Variants in CDK14 observed in about 807,000 individuals in gnomAD.
CDK14 encodes the protein cyclin-dependent kinase 14.
Under a neutral mutation model 60.7 loss-of-function variants are expected in CDK14, and 34 were observed. The observed-to-expected ratio is 0.56, with a 90% confidence interval of 0.43 to 0.75. The LOEUF (loss-of-function observed/expected upper bound fraction) is 0.75, where lower values mean the gene tolerates loss of function less well. Ranked by LOEUF, CDK14 falls within the 30% of genes least tolerant of loss-of-function variation. CDK14 has a pLI of 0.00. For synonymous variants in CDK14, 197 were observed against 203.7 expected, an observed-to-expected ratio of 0.97 and a Z score of 0.28; for missense variants, 482 against 564.1, an observed-to-expected ratio of 0.85 and a Z score of 1.47.
At chr7:91,047,999 G>C (rs919973685) in intron 11 of CDK14, among the ~76,000 whole-genome samples, 1 of 152,134 alleles carries the variant, frequency 6.6e-6, no homozygotes, top group Non-Finnish European at 1.5e-5. Flanking sequence ...CCAGCTCCTT[G>C]ATTTACCCCG....
intron 14 of CDK14, among the ~76,000 whole-genome samples, chr7:91,124,642 G>T (rs1429581530): frequency 6.6e-6 from 1 of 151,702 alleles, no homozygotes; most frequent in Non-Finnish European, 1.5e-5. Flanking sequence ...GCATTTCCAG[G>T]TCAAATGAGC....
At chr7:90,909,670 TAGAA>T (rs1162136081) in intron 7 of CDK14, among the ~76,000 whole-genome samples, 1 of 152,002 alleles carries the variant, frequency 6.6e-6, no homozygotes, top group Non-Finnish European at 1.5e-5. Flanking sequence ...TGCCTTGAAG[TAGAA>T]AGAGAGTGTG....
At chr7:90,759,686 C>T (rs1562756542) in intron 4 of CDK14, among the ~76,000 whole-genome samples, 1 of 152,198 alleles carries the variant, frequency 6.6e-6, no homozygotes, top group Non-Finnish European at 1.5e-5. Flanking sequence ...TTTGCTCTCC[C>T]TGGGGCAGGG....
intron 5 of CDK14, among the ~76,000 whole-genome samples, chr7:90,825,247 C>T (rs1789682871): frequency 1.3e-5 from 2 of 152,290 alleles, no homozygotes; most frequent in Non-Finnish European, 2.9e-5. Context: ...GGGCAGCCAT[C>T]TATGGGGCTG....
At chr7:90,688,358 C>T (rs1212363001) in intron 2 of CDK14, among the ~76,000 whole-genome samples, 1 of 152,136 alleles carries the variant, frequency 6.6e-6, no homozygotes, top group African/African-American at 2.4e-5. Context: ...AGGAAAAAGC[C>T]CGTCATCTTA....
intron 12 of CDK14, among the ~76,000 whole-genome samples, chr7:91,084,529 T>A (rs1005432092): frequency 1.3e-5 from 2 of 152,238 alleles, no homozygotes; most frequent in Admixed American, 1.3e-4. Context: ...GTTTGTCACC[T>A]CTTCCACACA....
At chr7:90,989,501 A>G (rs892586611) in intron 10 of CDK14, among the ~76,000 whole-genome samples, 4 of 151,822 alleles carry the variant, frequency 2.6e-5, no homozygotes, top group African/African-American at 7.3e-5. Context: ...GGTACAATGA[A>G]GACATAAAAG....
At chr7:91,118,286 C>T (rs1040434591) in intron 14 of CDK14, 78 bp downstream of exon 14, 1 of 657,324 alleles carries the variant, frequency 1.5e-6, no homozygotes, top group African/African-American at 1.8e-5. Flanking sequence ...ATTTCAGACT[C>T]GTTTTTTCAC....
chr7:90,795,691 T>C (rs1329468913), intron 5 of CDK14, among the ~76,000 whole-genome samples: 1 of 152,130 alleles, frequency 6.6e-6, no homozygotes, highest in Admixed American at 6.6e-5. Flanking sequence ...AATTTAATTA[T>C]ACAGTAGACC....
intron 2 of CDK14, among the ~76,000 whole-genome samples, chr7:90,672,519 T>G (rs1738176354): frequency 7.6e-6 from 1 of 132,042 alleles, no homozygotes; most frequent in Non-Finnish European, 1.6e-5. Context: ...TTTTTTTTTT[T>G]TTTTTTTTTT....
At chr7:91,123,363 A>G (rs887258990) in intron 14 of CDK14, among the ~76,000 whole-genome samples, 3 of 151,920 alleles carry the variant, frequency 2.0e-5, no homozygotes, top group African/African-American at 4.8e-5. Context: ...TATTTCTGTT[A>G]TCTCATGTAA....
intron 11 of CDK14, among the ~76,000 whole-genome samples, chr7:91,063,088 G>A (rs541581288): frequency 6.6e-6 from 1 of 152,338 alleles, no homozygotes; most frequent in South Asian, 2.1e-4. Context: ...AAAGTTGGAA[G>A]AGAGGAGGGA....
At chr7:90,694,502 C>G (rs557545998) in intron 2 of CDK14, among the ~76,000 whole-genome samples, 1 of 152,202 alleles carries the variant, frequency 6.6e-6, no homozygotes, top group Non-Finnish European at 1.5e-5. Context: ...TGCCCCTTGT[C>G]TAGACCAACT....
intron 4 of CDK14, among the ~76,000 whole-genome samples, chr7:90,766,814 G>GCT (rs1030121896): frequency 2.6e-5 from 4 of 152,060 alleles, no homozygotes; most frequent in Non-Finnish European, 4.4e-5. Context: ...CTCATCAACA[G>GCT]CTCTCTCACA....
intron 11 of CDK14, among the ~76,000 whole-genome samples, chr7:91,073,794 GAT>G (rs1798221249): frequency 1.3e-5 from 2 of 151,108 alleles, no homozygotes; most frequent in Admixed American, 1.3e-4. Context: ...CAAAATAAGG[GAT>G]GGAGGAAAAT....
intron 5 of CDK14, among the ~76,000 whole-genome samples, chr7:90,832,179 G>A (rs992098782): frequency 1.3e-5 from 2 of 152,072 alleles, no homozygotes; most frequent in Admixed American, 6.6e-5. Flanking sequence ...AAAAAGGCTG[G>A]CATTGTTATG....
intron 9 of CDK14, among the ~76,000 whole-genome samples, chr7:90,974,203 C>T (rs551244696): frequency 4.3e-4 from 66 of 152,272 alleles, no homozygotes; most frequent in African/African-American, 1.6e-3. Context: ...TGCCTGACCC[C>T]ACAGGCAGTT....
At position 90,732,191 on chromosome 7, in the gene CDK14, G is replaced by C. The variant is rs192260060; in HGVS notation, c.369+5379G>C. On this transcript the variant is annotated intron_variant, in intron 3 of 14. Coordinates refer to ENST00000380050, the MANE Select transcript of CDK14 (RefSeq NM_001287135.2). Reference sequence around the variant, plus strand: ...AACCTTGCATTCCAGGGATGAAGCCGACTTGATCATGGTGGATAAGCTTTT... The same window carrying C: ...AACCTTGCATTCCAGGGATGAAGCCCACTTGATCATGGTGGATAAGCTTTT... Among the ~76,000 whole-genome samples, 8 of 152,190 alleles carry C rather than the reference G, an allele frequency of 5.3e-5. No individual in the cohort carries two copies. In the East Asian group the frequency reaches 5.8e-4, roughly 11 times the overall value.
intron 2 of CDK14, among the ~76,000 whole-genome samples, chr7:90,616,751 A>G (rs759093923): frequency 6.6e-6 from 1 of 152,212 alleles, no homozygotes; most frequent in Non-Finnish European, 1.5e-5. Flanking sequence ...CTATATAGTT[A>G]TTAGAAGATA....
Sources: gnomAD v4.1 joint callset for allele counts (sites outside exome capture counted in the v4.1 genomes callset) on GRCh38, gnomAD v4.1.1 for gene constraint, MANE v1.5 for transcripts, NCBI Gene and HGNC (gene_info 2026-07-23, HGNC 2026-07-21) for gene names.